The following MAP2K1 variants were observed in gnomAD, a reference collection of about 807,000 sequenced individuals.
MAP2K1 encodes the protein mitogen-activated protein kinase kinase 1, also known as dual specificity mitogen-activated protein kinase kinase 1.
Under a neutral mutation model 46.3 loss-of-function variants are expected in MAP2K1, and 16 were observed. The ratio of observed to expected loss-of-function variants is 0.35; its 90% CI spans 0.23 to 0.52. The LOEUF is 0.52. MAP2K1 is among the 20% of genes least tolerant of loss of function. The pLI is 0.94. For synonymous variants in MAP2K1, 183 were observed against 185.6 expected (o/e 0.99, Z 0.11); for missense variants, 263 against 497.1 (o/e 0.53, Z 4.48).
At chr15:66,452,287 T>TAAAAAAAAAAAA (rs146502834) in intron 5 of MAP2K1, among the ~76,000 whole-genome samples, 1 of 103,590 alleles carries the variant, frequency 9.7e-6, no homozygotes, top group Admixed American at 1.1e-4. Context: ...TAGAGTATAA[T>TAAAAAAAAAAAA]AAAAAAAAAA....
chr15:66,400,162 T>C (rs2093377925), intron 1 of MAP2K1, among the ~76,000 whole-genome samples: 1 of 152,060 alleles, frequency 6.6e-6, no homozygotes, highest in South Asian at 2.1e-4. Flanking sequence ...ACAAACAAAC[T>C]AGCAAAAAAA....
At chr15:66,390,583 A>G (rs1350889764) in intron 1 of MAP2K1, among the ~76,000 whole-genome samples, 1 of 152,198 alleles carries the variant, frequency 6.6e-6, no homozygotes, top group African/African-American at 2.4e-5. Context: ...GGGGTCCTCA[A>G]AGAAAAATCA....
chr15:66,406,011 A>C (rs1341959781), intron 1 of MAP2K1, among the ~76,000 whole-genome samples: 1 of 152,246 alleles, frequency 6.6e-6, no homozygotes, highest in African/African-American at 2.4e-5. Flanking sequence ...TTCAAATGGC[A>C]TTTATGTTAG....
At position 66,387,263 on chromosome 15, in the gene MAP2K1, G is replaced by T; in HGVS notation, c.-85G>T. On this transcript the variant is annotated 5_prime_UTR_variant, in exon 1 of 11. Coordinates refer to ENST00000307102, the MANE Select transcript of MAP2K1 (RefSeq NM_002755.4). ...GCCCGCGGCCCGGACTTGGTCCTGC[G>T]CAGCGGGCGCGGGGCAGCGCAGCGG... 8.0e-7 allele frequency: 1 copy of T among 1,244,630 alleles called. No homozygotes were observed. Among genetic ancestry groups the T allele is most frequent in the Non-Finnish European group, 1.1e-6 (1 of 873,452 alleles). 77.1% of individuals were successfully genotyped at this position (1,244,630 alleles called of 1,614,324 possible).
intron 5 of MAP2K1, among the ~76,000 whole-genome samples, chr15:66,480,388 T>A (rs1286505908): frequency 1.3e-5 from 2 of 152,096 alleles, no homozygotes; most frequent in African/African-American, 4.8e-5. Flanking sequence ...TCGCCCGGCT[T>A]TTGTTTTTCA....
rs762411863 is a variant in MAP2K1, at chr15:66,485,178, G to T, written c.882G>T (p.Gly294=). 1.9e-6 allele frequency: 3 copies of T among 1,613,848 alleles called. No homozygotes were observed. Among genetic ancestry groups the T allele is most frequent in the Non-Finnish European group, 2.5e-6 (3 of 1,179,992 alleles). Residue 294 remains glycine, a synonymous_variant, in exon 7 of 11, where the codon GGG becomes GGT. Transcript: ENST00000307102. The stretch of plus-strand genomic sequence containing the variant: ...CCCCACCCAGGCCAAGGACCCCCGG[G>T]AGGCCCCTTAGCTGTGAGTAGCCTG... The part of the protein sequence containing the change: ...AETPPRPRTP[G]RPLSSYGMDS...
At position 66,491,216 on chromosome 15, in the gene MAP2K1, G is replaced by C. The variant is rs944344776; in HGVS notation, c.*601G>C. On this transcript the variant is annotated 3_prime_UTR_variant, in exon 11 of 11. Transcript: ENST00000307102. Reference sequence around the variant, plus strand: ...TGCCATGATAGCTGGGGCTTCACCAGTCTGTCTACTGTGGTGATCTGTAGA... The same window carrying C: ...TGCCATGATAGCTGGGGCTTCACCACTCTGTCTACTGTGGTGATCTGTAGA... 1.2e-5 allele frequency: 3 copies of C among 257,208 alleles called. No homozygotes were observed. The highest frequency in any genetic ancestry group is 2.3e-5 in the Non-Finnish European group (3 of 132,024). 15.9% of individuals were successfully genotyped at this position (257,208 alleles called of 1,614,324 possible).
chr15:66,473,178 A>G (rs1892680118), intron 5 of MAP2K1, among the ~76,000 whole-genome samples: 1 of 152,156 alleles, frequency 6.6e-6, no homozygotes. Flanking sequence ...ATGCTGTTTT[A>G]ATGTTATTTT....
rs2093423012 is a variant in MAP2K1 at position 66,415,699 on chromosome 15, A to G, written c.81-19328A>G. Among the ~76,000 whole-genome samples, 5 of 152,190 alleles carry G rather than the reference A, an allele frequency of 3.3e-5. No individual in the cohort carries two copies. In the South Asian group the frequency reaches 1.0e-3, roughly 32 times the overall value. On this transcript the variant is annotated intron_variant, in intron 1 of 10. Coordinates refer to ENST00000307102, the MANE Select transcript of MAP2K1 (RefSeq NM_002755.4). ...CCAGACTCTTGGTTCCAAAATATAA[A>G]ACTGATCTTGTCACTTTCTTTAGAA...
At chr15:66,456,464 G>A (rs929121268) in intron 5 of MAP2K1, among the ~76,000 whole-genome samples, 1 of 152,184 alleles carries the variant, frequency 6.6e-6, no homozygotes, top group African/African-American at 2.4e-5. Context: ...ATGAATATGA[G>A]GTTGAAATGA....
In MAP2K1 at chr15:66,421,770, G is replaced by C. The variant is rs114704253; in HGVS notation, c.81-13257G>C. Among the ~76,000 whole-genome samples the C allele has an allele frequency of 2.0e-3, 301 of 150,604 alleles. 1 individual carries two copies. Among genetic ancestry groups the C allele is most frequent in the African/African-American group, 6.9e-3 (284 of 41,062 alleles). On this transcript the variant is annotated intron_variant, in intron 1 of 10. Coordinates refer to ENST00000307102, the MANE Select transcript of MAP2K1 (RefSeq NM_002755.4). ...GCTGAGATCGTATCACTGCACTTCA[G>C]CTTGGGTGACAGAGTGACTCCATCT...
intron 1 of MAP2K1, among the ~76,000 whole-genome samples, chr15:66,429,193 G>T (rs12906411): frequency 6.6e-6 from 1 of 152,044 alleles, no homozygotes; most frequent in African/African-American, 2.4e-5. Context: ...ATTGAATTAC[G>T]GTTCTTTATG....
At chr15:66,479,707 G>C (rs994965565) in intron 5 of MAP2K1, among the ~76,000 whole-genome samples, 1 of 152,086 alleles carries the variant, frequency 6.6e-6, no homozygotes, top group Non-Finnish European at 1.5e-5. Flanking sequence ...CCTGCCCTCT[G>C]TCAGATACAG....
At chr15:66,461,230 C>T (rs1023527279) in intron 5 of MAP2K1, among the ~76,000 whole-genome samples, 5 of 152,092 alleles carry the variant, frequency 3.3e-5, no homozygotes, top group African/African-American at 1.2e-4. Context: ...TGGCTCACGT[C>T]TGTAATCCCA....
At chr15:66,437,969 C>T (rs17200912) in intron 3 of MAP2K1, among the ~76,000 whole-genome samples, 26,995 of 147,778 alleles carry the variant, frequency 0.18, 3,082 homozygotes, top group Middle Eastern at 0.3. Context: ...CTGCTTGGGT[C>T]TTGGCTTCCC....
At chr15:66,483,931 G>A (rs1892975436) in intron 6 of MAP2K1, among the ~76,000 whole-genome samples, 1 of 151,704 alleles carries the variant, frequency 6.6e-6, no homozygotes, top group Non-Finnish European at 1.5e-5. Context: ...TGTATTTTTA[G>A]TAGAGACGGG....
chr15:66,488,188 T>C (rs1350182870), intron 8 of MAP2K1, among the ~76,000 whole-genome samples: 1 of 152,192 alleles, frequency 6.6e-6, no homozygotes, highest in Non-Finnish European at 1.5e-5. Flanking sequence ...GAATGGATGC[T>C]GCCTCTGGAG....
rs1238159534 is a variant in MAP2K1 at position 66,387,215 on chromosome 15, C to T, written c.-133C>T. On this transcript the variant is annotated 5_prime_UTR_variant, in exon 1 of 11. Transcript: ENST00000307102. ...GGCGCTGACGGGACCGCGCGGGGCGCACCCGCTGAAGGCAGCCCCGGGGCC... is the reference window on the plus strand; with the variant it reads ...GGCGCTGACGGGACCGCGCGGGGCGTACCCGCTGAAGGCAGCCCCGGGGCC... 1 of 659,844 alleles carries T rather than the reference C, an allele frequency of 1.5e-6. No homozygotes were observed. The allele number at this position is 659,844 out of a possible 1,614,324, so 40.9% of individuals were successfully genotyped here. A position where few individuals can be genotyped will look rare whatever the true frequency, so the allele number is the denominator to read the frequency against.
At chr15:66,396,315 C>G (rs12441926) in intron 1 of MAP2K1, among the ~76,000 whole-genome samples, 149,145 of 152,136 alleles carry the variant, frequency 0.98, 73,174 homozygotes, top group East Asian at 1. Context: ...TTTCACTCTT[C>G]TCATCCAGGC....
Sources: gnomAD v4.1 joint callset for allele counts (sites outside exome capture counted in the v4.1 genomes callset) on GRCh38, gnomAD v4.1.1 for gene constraint, MANE v1.5 for transcripts, NCBI Gene and HGNC (gene_info 2026-07-23, HGNC 2026-07-21) for gene names.